ITSN1: variants seen among roughly 807,000 people sequenced by gnomAD.
ITSN1 encodes the protein intersectin-1.
ITSN1 carries 58 observed loss-of-function variants against 239.8 expected under a neutral mutation model. The ratio of observed to expected loss-of-function variants is 0.24; its 90% CI spans 0.20 to 0.30. The LOEUF is 0.30. Ranked by LOEUF, ITSN1 falls within the 10% of genes least tolerant of loss-of-function variation. The pLI is 1.00. For missense variants in ITSN1, 1,558 were observed against 2,103.3 expected (o/e 0.74, Z 5.07); for synonymous variants, 780 against 770.8 (o/e 1.01, Z -0.20).
chr21:33,709,789 A>G (rs556374972), intron 1 of ITSN1, among the ~76,000 whole-genome samples: 3 of 152,266 alleles, frequency 2.0e-5, no homozygotes, highest in East Asian at 3.9e-4. Context: ...GGGATTTTCT[A>G]TATAAATAGT....
At position 33,676,435 on chromosome 21, in the gene ITSN1, C is replaced by T. The variant is rs73197982; in HGVS notation, c.-33+33722C>T. Among the ~76,000 whole-genome samples, 750 of 152,124 alleles carry T rather than the reference C, an allele frequency of 4.9e-3. 6 individuals carry two copies. Among genetic ancestry groups the T allele is most frequent in the Non-Finnish European group, 8.2e-3 (558 of 68,002 alleles). ...TAAAGGTGGAGTTTTGCTAAGTTGC[C>T]CAGGCTGGTCTTCAACTCCTGGGCT... On this transcript the variant is annotated intron_variant, in intron 1 of 39. Transcript: ENST00000381318.
At chr21:33,878,914 C>T (rs999488503) in intron 34 of ITSN1, among the ~76,000 whole-genome samples, 1 of 152,180 alleles carries the variant, frequency 6.6e-6, no homozygotes, top group African/African-American at 2.4e-5. Flanking sequence ...GTTAAACCAA[C>T]ATTTACAACA....
chr21:33,782,091 A>G lies in ITSN1; in HGVS notation c.1782A>G (p.Arg594=). The change falls in exon 16 of 40, where the codon AGA becomes AGG. Residue 594 remains arginine, a synonymous_variant. Transcript: ENST00000381318. ...TGGATGAAGTGGAGAAAGAAACTAG[A>G]TCAAAACTACAGGAGATTGATATTT... is the stretch of plus-strand genomic sequence containing the variant. ...DQLDEVEKET[R]SKLQEIDIFN... is the part of the protein sequence containing the mutation. 3 of 1,613,996 alleles carry G rather than the reference A, an allele frequency of 1.9e-6. No individual in the cohort carries two copies. The highest frequency in any genetic ancestry group is 2.5e-6 in the Non-Finnish European group (3 of 1,179,898).
chr21:33,686,531 C>T (rs997034450), intron 1 of ITSN1, among the ~76,000 whole-genome samples: 2 of 152,006 alleles, frequency 1.3e-5, no homozygotes, highest in African/African-American at 4.8e-5. Flanking sequence ...GCTGAGTGCT[C>T]GCCGATGTAT....
At chr21:33,873,845 C>T (rs1043292938) in intron 33 of ITSN1, among the ~76,000 whole-genome samples, 1 of 151,622 alleles carries the variant, frequency 6.6e-6, no homozygotes. Context: ...GTTCTCCAGC[C>T]TGGGTGACAG....
intron 4 of ITSN1, among the ~76,000 whole-genome samples, chr21:33,732,476 A>G (rs975329825): frequency 6.6e-6 from 1 of 152,188 alleles, no homozygotes; most frequent in Non-Finnish European, 1.5e-5. Context: ...AGAAATCACT[A>G]CCAACTGTCA....
At chr21:33,736,946 C>T (rs1409509088) in intron 5 of ITSN1, among the ~76,000 whole-genome samples, 1 of 152,208 alleles carries the variant, frequency 6.6e-6, no homozygotes, top group African/African-American at 2.4e-5. Context: ...GATCACACTA[C>T]TGCACCCCAG....
intron 31 of ITSN1, among the ~76,000 whole-genome samples, chr21:33,861,819 G>A (rs1036099366): frequency 2.6e-5 from 4 of 151,944 alleles, no homozygotes; most frequent in South Asian, 2.1e-4. Context: ...GGTGGCGGGC[G>A]CCTGTAGTCC....
intron 33 of ITSN1, among the ~76,000 whole-genome samples, chr21:33,868,016 A>T (rs921678125): frequency 2.6e-5 from 4 of 152,192 alleles, no homozygotes; most frequent in African/African-American, 9.6e-5. Context: ...CAGCAGCAAG[A>T]TTTATTGCAA....
intron 29 of ITSN1, among the ~76,000 whole-genome samples, chr21:33,845,565 T>C (rs2074966177): frequency 6.6e-6 from 1 of 152,084 alleles, no homozygotes; most frequent in African/African-American, 2.4e-5. Flanking sequence ...TCCAGCCCTC[T>C]AACCTTCCCT....
chr21:33,651,519 C>G (rs1313351854), intron 1 of ITSN1, among the ~76,000 whole-genome samples: 2 of 152,234 alleles, frequency 1.3e-5, no homozygotes, highest in African/African-American at 2.4e-5. Flanking sequence ...TCCGGAGTTT[C>G]TCTGAGGAAA....
chr21:33,882,831 C>A lies in ITSN1; in HGVS notation c.4554+376C>A, dbSNP rs938228899. ...CGTCGCCTCCAAACAGTCCTAAGTC[C>A]CCTGCCAGACTTCTCCAGGTAGCTT... On this transcript the variant is annotated intron_variant, in intron 35 of 39. Coordinates refer to ENST00000381318, the MANE Select transcript of ITSN1 (RefSeq NM_003024.3). The surrounding 1 kb of genome is among the most constrained non-coding windows in gnomAD (Gnocchi z 4.5). 6.6e-6 allele frequency among the ~76,000 whole-genome samples: 1 copy of A among 152,148 alleles called. No individual in the cohort carries two copies. Among genetic ancestry groups the A allele is most frequent in the Non-Finnish European group, 1.5e-5 (1 of 68,024 alleles).
intron 1 of ITSN1, among the ~76,000 whole-genome samples, chr21:33,675,053 A>G (rs1408199023): frequency 2.6e-5 from 4 of 152,218 alleles, no homozygotes; most frequent in Admixed American, 6.5e-5. Context: ...TCATGTGAAT[A>G]TATCCATTTA....
chr21:33,665,078 C>T (rs1353258615), intron 1 of ITSN1, among the ~76,000 whole-genome samples: 1 of 152,130 alleles, frequency 6.6e-6, no homozygotes, highest in East Asian at 1.9e-4. Context: ...GCCTGGCCAA[C>T]ATGGTGAAAC....
intron 33 of ITSN1, among the ~76,000 whole-genome samples, chr21:33,868,215 C>T (rs1466637745): frequency 3.9e-5 from 6 of 152,346 alleles, no homozygotes; most frequent in Non-Finnish European, 7.3e-5. Context: ...CATAAAGATT[C>T]TCCACGTCCC....
chr21:33,747,895 A>G (rs1329975482), intron 5 of ITSN1, among the ~76,000 whole-genome samples: 1 of 152,232 alleles, frequency 6.6e-6, no homozygotes, highest in Non-Finnish European at 1.5e-5. Context: ...AAAGAAATGA[A>G]GAGCATCAAA....
intron 1 of ITSN1, among the ~76,000 whole-genome samples, chr21:33,680,132 AT>A (rs1478697890): frequency 6.6e-6 from 1 of 152,154 alleles, no homozygotes; most frequent in East Asian, 1.9e-4. Flanking sequence ...TCTAAAGCAA[AT>A]ATCTTCTAAT....
At chr21:33,884,018 G>A (rs1397980155) in intron 36 of ITSN1, among the ~76,000 whole-genome samples, 1 of 148,486 alleles carries the variant, frequency 6.7e-6, no homozygotes. Flanking sequence ...TCCCACCCTA[G>A]CCTCCCAGGT....
At chr21:33,737,038 A>G (rs192056287) in intron 5 of ITSN1, among the ~76,000 whole-genome samples, 23 of 152,334 alleles carry the variant, frequency 1.5e-4, no homozygotes, top group Admixed American at 9.1e-4. Context: ...CTTTCTTCCA[A>G]TGCTACAAGA....
Sources: gnomAD v4.1 joint callset for allele counts (sites outside exome capture counted in the v4.1 genomes callset) on GRCh38, gnomAD v4.1.1 for gene constraint, Gnocchi (gnomAD v3.1) non-coding constraint, MANE v1.5 for transcripts, NCBI Gene and HGNC (gene_info 2026-07-23, HGNC 2026-07-21) for gene names.